Variants in CCDC60 observed in about 807,000 individuals in gnomAD.
CCDC60 encodes coiled-coil domain containing 60, also known as coiled-coil domain-containing protein 60.
A neutral mutation model predicts 63.5 loss-of-function variants in CCDC60; 54 were observed. The observed-to-expected ratio is 0.85, with a 90% CI of 0.68 to 1.07. The LOEUF (loss-of-function observed/expected upper bound fraction) is 1.07. Among genes scored for constraint, CCDC60 ranks in the 50% least tolerant of loss-of-function variants. CCDC60 has a pLI of 0.00. For synonymous variants in CCDC60, 206 were observed against 238.8 expected, an observed-to-expected ratio of 0.86 and a Z score of 1.27; for missense variants, 651 against 684.3, an observed-to-expected ratio of 0.95 and a Z score of 0.54.
At chr12:119,407,478 G>A (rs775537796) in intron 1 of CCDC60, among the ~76,000 whole-genome samples, 14 of 152,320 alleles carry the variant, frequency 9.2e-5, no homozygotes, top group Non-Finnish European at 1.8e-4. Context: ...ACTGCAGCGA[G>A]CTATGATCAT....
chr12:119,524,056 A>T (rs1413473141), intron 11 of CCDC60, among the ~76,000 whole-genome samples: 1 of 152,218 alleles, frequency 6.6e-6, no homozygotes, highest in Non-Finnish European at 1.5e-5. Context: ...TATGAGACAG[A>T]GATAGAGAGC....
intron 4 of CCDC60, among the ~76,000 whole-genome samples, chr12:119,480,975 TATCACCATCATC>T (rs1951304529): frequency 1.2e-5 from 1 of 80,702 alleles, no homozygotes; most frequent in African/African-American, 5.1e-5. Flanking sequence ...TCACCATCAT[TATCACCATCATC>T]ATCACCAGCA....
intron 2 of CCDC60, chr12:119,433,237 A>G (rs748948771): frequency 8.3e-6 from 5 of 601,494 alleles, no homozygotes; most frequent in South Asian, 2.0e-5. Flanking sequence ...CCACAGACCC[A>G]GTAGAATAGA....
At chr12:119,431,689 T>G (rs927746813) in intron 2 of CCDC60, among the ~76,000 whole-genome samples, 1 of 145,018 alleles carries the variant, frequency 6.9e-6, no homozygotes, top group South Asian at 2.1e-4. Context: ...TTGTTTGTTT[T>G]TTGTTTTGAG....
chr12:119,506,326 G>A (rs1217871412), intron 7 of CCDC60, among the ~76,000 whole-genome samples: 2 of 151,810 alleles, frequency 1.3e-5, no homozygotes, highest in Non-Finnish European at 2.9e-5. Flanking sequence ...AATTAGGCCA[G>A]GCATGGTGGC....
intron 1 of CCDC60, among the ~76,000 whole-genome samples, chr12:119,427,547 A>C (rs946251328): frequency 2.0e-5 from 3 of 152,178 alleles, no homozygotes; most frequent in African/African-American, 7.2e-5. Flanking sequence ...ATGAATCTCT[A>C]TGTCCATGAA....
rs761066934 is a variant in CCDC60 at position 119,465,965 on chromosome 12, G to A, written c.171-6029G>A. On this transcript the variant is annotated intron_variant, in intron 2 of 13. Coordinates refer to ENST00000327554, the MANE Select transcript of CCDC60 (RefSeq NM_178499.5). Reference sequence around the variant, plus strand: ...AGCCAACATTTTGGTAGCACACATCGTATTATATGATGTCATATAACATTT... The same window carrying A: ...AGCCAACATTTTGGTAGCACACATCATATTATATGATGTCATATAACATTT... Among the ~76,000 whole-genome samples the A allele has an allele frequency of 4.1e-4, 63 of 152,204 alleles. 1 individual carries two copies. Among genetic ancestry groups the A allele is most frequent in the East Asian group, 3.9e-4 (2 of 5,188 alleles).
At chr12:119,386,575 G>A (rs1431400200) in intron 1 of CCDC60, among the ~76,000 whole-genome samples, 1 of 151,974 alleles carries the variant, frequency 6.6e-6, no homozygotes, top group African/African-American at 2.4e-5. Context: ...CACCAAAGGT[G>A]CACATCTTTA....
intron 1 of CCDC60, among the ~76,000 whole-genome samples, chr12:119,393,740 G>A (rs1473006043): frequency 6.6e-6 from 1 of 152,190 alleles, no homozygotes; most frequent in Non-Finnish European, 1.5e-5. Flanking sequence ...CAGGCTTCAA[G>A]AGGAAAGAAA....
intron 4 of CCDC60, among the ~76,000 whole-genome samples, chr12:119,481,313 C>T (rs1444216151): frequency 6.6e-6 from 1 of 152,194 alleles, no homozygotes; most frequent in Non-Finnish European, 1.5e-5. Context: ...TACACTTGCA[C>T]TTCTGCCCAT....
At chr12:119,346,592 GC>G (rs1656182959) in intron 1 of CCDC60, among the ~76,000 whole-genome samples, 1 of 152,142 alleles carries the variant, frequency 6.6e-6, no homozygotes. Context: ...AGGGGAAAGT[GC>G]CAATTTTAGC....
At chr12:119,393,926 G>A (rs762281248) in intron 1 of CCDC60, among the ~76,000 whole-genome samples, 7 of 152,180 alleles carry the variant, frequency 4.6e-5, no homozygotes, top group East Asian at 1.9e-4. Context: ...ACGTACACAC[G>A]CCATGTTTGG....
rs531767574 is a variant in CCDC60 at position 119,493,768 on chromosome 12, T to C, written c.557+4902T>C. 1.1e-4 allele frequency among the ~76,000 whole-genome samples: 16 copies of C among 152,332 alleles called. No individual in the cohort carries two copies. In the South Asian group the frequency reaches 2.9e-3, roughly 28 times the overall value. On this transcript the variant is annotated intron_variant, in intron 5 of 13. Transcript: ENST00000327554. ...TTTAGGCAAAGTAGGATCTGATTTT[T>C]TCATGAATGCCCATAAGTATTTATT...
chr12:119,462,252 T>C (rs1444363901), intron 2 of CCDC60, among the ~76,000 whole-genome samples: 1 of 152,220 alleles, frequency 6.6e-6, no homozygotes, highest in Non-Finnish European at 1.5e-5. Flanking sequence ...TTTTACCGTA[T>C]GCTCCCTGTA....
At chr12:119,401,707 C>T (rs1264622075) in intron 1 of CCDC60, among the ~76,000 whole-genome samples, 1 of 152,200 alleles carries the variant, frequency 6.6e-6, no homozygotes, top group Non-Finnish European at 1.5e-5. Context: ...AAGATATCCT[C>T]AATAATGGAT....
chr12:119,421,046 G>C (rs4488260), intron 1 of CCDC60, among the ~76,000 whole-genome samples: 38,059 of 149,538 alleles, frequency 0.25, 5,012 homozygotes, highest in South Asian at 0.47. Flanking sequence ...TCCCTTCCCC[G>C]CTCACCCCTC....
intron 2 of CCDC60, among the ~76,000 whole-genome samples, chr12:119,444,483 T>G (rs1950502261): frequency 6.6e-6 from 1 of 152,206 alleles, no homozygotes; most frequent in African/African-American, 2.4e-5. Context: ...CTTCTTTTAT[T>G]TTTCCAGTTA....
At chr12:119,415,558 A>G (rs993820523) in intron 1 of CCDC60, among the ~76,000 whole-genome samples, 2 of 152,218 alleles carry the variant, frequency 1.3e-5, no homozygotes, top group East Asian at 1.9e-4. Flanking sequence ...AGGGTCAGCT[A>G]TGTGGACAAT....
At chr12:119,381,317 G>A (rs1384027460) in intron 1 of CCDC60, among the ~76,000 whole-genome samples, 1 of 152,110 alleles carries the variant, frequency 6.6e-6, no homozygotes, top group African/African-American at 2.4e-5. Context: ...AATTGTCATG[G>A]GCTTAGGGTC....
Sources: allele counts gnomAD v4.1 joint callset (sites outside exome capture counted in the v4.1 genomes callset), GRCh38; gene constraint gnomAD v4.1.1; transcripts MANE v1.5; gene names NCBI Gene and HGNC (gene_info 2026-07-23, HGNC 2026-07-21).